The following XYLB variants were observed in gnomAD, a reference collection of about 807,000 sequenced individuals.
XYLB encodes the protein xylulokinase, also known as xylulose kinase.
A neutral mutation model predicts 78.7 loss-of-function variants in XYLB; 62 were observed. The observed-to-expected ratio is 0.79, with a 90% CI of 0.64 to 0.97. XYLB has a LOEUF of 0.97. Among genes scored for constraint, XYLB ranks in the 50% least tolerant of loss-of-function variants. The pLI is 0.00. For synonymous variants in XYLB, 245 were observed against 247.4 expected, an observed-to-expected ratio of 0.99 and a Z score of 0.09; for missense variants, 687 against 676.8, an observed-to-expected ratio of 1.02 and a Z score of -0.17.
At position 38,346,891 on chromosome 3, in the gene XYLB, G is replaced by T. The variant is rs901309360; in HGVS notation, c.23G>T (p.Arg8Leu). 4 of 1,519,024 alleles carry T rather than the reference G, an allele frequency of 2.6e-6. No individual in the cohort carries two copies. The highest frequency in any genetic ancestry group is 3.5e-6 in the Non-Finnish European group (4 of 1,136,164). The allele number at this position is 1,519,024 out of a possible 1,614,324, so 94.1% of individuals were successfully genotyped here. The change falls in exon 1 of 19, where the codon CGC becomes CTC. Residue 8 changes from arginine to leucine, a missense_variant. Transcript: ENST00000207870. MAEHAPR[R>L]CCLGWDFSTQ... ...GCCATGGCGGAGCACGCCCCTCGCC[G>T]CTGCTGCCTGGGCTGGGACTTCAGC...
At chr3:38,395,624 C>A in intron 16 of XYLB, 61 bp downstream of exon 16, 1 of 1,556,562 alleles carries the variant, frequency 6.4e-7, no homozygotes. Context: ...GTCTAAGAGC[C>A]AGAGACTGGA....
At chr3:38,430,747 G>A in the XYLB span, among the ~76,000 whole-genome samples, 3 of 152,220 alleles carry the variant, frequency 2.0e-5, no homozygotes, top group Admixed American at 6.5e-5. Context: ...TGTAAAGAAG[G>A]GATCCAGTTT....
At chr3:38,410,916 C>G (rs1255673518) in intron 18 of XYLB, among the ~76,000 whole-genome samples, 1 of 151,928 alleles carries the variant, frequency 6.6e-6, no homozygotes, top group Non-Finnish European at 1.5e-5. Flanking sequence ...AATAGGAACA[C>G]TTTTACACTG....
In XYLB at chr3:38,379,261, G is replaced by A; in HGVS notation, c.1210G>A (p.Gly404Arg). The change falls in exon 15 of 19, where the codon GGG (glycine) becomes AGG (arginine). Residue 404 changes from glycine to arginine, a missense_variant. Coordinates refer to ENST00000207870, the MANE Select transcript of XYLB (RefSeq NM_005108.4). ...TENHKVAAFP[G>R]DVEVRALIEG... ...CTGGAGACAGGTTGCAGCATTCCCT[G>A]GGGATGTGGAGGTTCGAGCACTAAT... 1 of 1,614,068 alleles carries A rather than the reference G, an allele frequency of 6.2e-7. No individual in the cohort carries two copies.
the XYLB span, among the ~76,000 whole-genome samples, chr3:38,439,946 A>T: frequency 6.6e-6 from 1 of 152,132 alleles, no homozygotes; most frequent in East Asian, 1.9e-4. Context: ...TTGGAGAGTC[A>T]CTGCTACCAA....
intron 3 of XYLB, 104 bp downstream of exon 3, chr3:38,360,512 G>A: frequency 1.9e-6 from 2 of 1,040,004 alleles, no homozygotes; most frequent in Non-Finnish European, 2.8e-6. Flanking sequence ...GAGAGCATCT[G>A]TTGTCACCAG....
intron 15 of XYLB, among the ~76,000 whole-genome samples, chr3:38,391,237 C>CAA (rs58456727): frequency 3.4e-5 from 5 of 149,192 alleles, no homozygotes; most frequent in African/African-American, 1.3e-4. Context: ...ACAACAACAA[C>CAA]AAAAAAAAAG....
intron 18 of XYLB, among the ~76,000 whole-genome samples, chr3:38,402,361 C>G (rs927103392): frequency 6.6e-6 from 1 of 152,106 alleles, no homozygotes. Context: ...TGGTCTGAAA[C>G]GAAAGCTGTC....
chr3:38,356,451 C>A (rs1238662456), intron 2 of XYLB: 1 of 152,190 alleles, frequency 6.6e-6, no homozygotes, highest in Non-Finnish European at 1.5e-5. Context: ...ACTGTATAGT[C>A]CCCCTCCTGC....
chr3:38,452,126 T>G, the XYLB span: 1 of 152,254 alleles, frequency 6.6e-6, no homozygotes, highest in Non-Finnish European at 1.5e-5. Context: ...TCCTGTGTTA[T>G]TACCAGATAC....
At chr3:38,405,286 C>T (rs559682059) in intron 18 of XYLB, among the ~76,000 whole-genome samples, 25 of 151,262 alleles carry the variant, frequency 1.7e-4, no homozygotes, top group Non-Finnish European at 3.2e-4. Context: ...CCTATAATCC[C>T]AGCACTTTGG....
chr3:38,412,766 G>A (rs984452782), intron 18 of XYLB, among the ~76,000 whole-genome samples, 170 bp from the exon 19 acceptor site: 3 of 152,148 alleles, frequency 2.0e-5, no homozygotes, highest in African/African-American at 7.2e-5. Context: ...TTAAACTGTA[G>A]GTTTGAGAAC....
downstream of XYLB, among the ~76,000 whole-genome samples, chr3:38,415,578 C>T (rs1261279570): frequency 6.6e-6 from 1 of 152,006 alleles, no homozygotes; most frequent in Admixed American, 6.6e-5. Flanking sequence ...AGGTCAGGAG[C>T]TCGAGACCAG....
At chr3:38,383,238 C>T (rs1007712131) in intron 15 of XYLB, among the ~76,000 whole-genome samples, 2 of 152,202 alleles carry the variant, frequency 1.3e-5, no homozygotes, top group African/African-American at 2.4e-5. Context: ...GGTTAAATAA[C>T]TTGGTCAGGG....
intron 6 of XYLB, among the ~76,000 whole-genome samples, chr3:38,366,296 C>G (rs147925623): frequency 6.6e-6 from 1 of 151,868 alleles, no homozygotes; most frequent in African/African-American, 2.4e-5. Flanking sequence ...GAAAATACCC[C>G]GATCCCTCAC....
At chr3:38,408,063 C>T (rs1476042406) in intron 18 of XYLB, among the ~76,000 whole-genome samples, 1 of 151,700 alleles carries the variant, frequency 6.6e-6, no homozygotes, top group Non-Finnish European at 1.5e-5. Context: ...CTCTCCACCC[C>T]AAATCAACAG....
At chr3:38,400,788 A>T (rs1708089943) in intron 17 of XYLB, 103 bp from the exon 18 acceptor site, 1 of 855,942 alleles carries the variant, frequency 1.2e-6, no homozygotes, top group East Asian at 2.4e-5. Flanking sequence ...ACTATAATCC[A>T]GTTTTAGAAC....
chr3:38,347,572 C>A (rs138352147), intron 1 of XYLB, among the ~76,000 whole-genome samples: 1 of 151,684 alleles, frequency 6.6e-6, no homozygotes, highest in Non-Finnish European at 1.5e-5. Flanking sequence ...CCCAGTTTTT[C>A]TGGAGGCTGA....
intron 18 of XYLB, among the ~76,000 whole-genome samples, chr3:38,407,556 A>G (rs1202268844): frequency 4.0e-5 from 6 of 151,654 alleles, no homozygotes; most frequent in Non-Finnish European, 1.5e-5. Flanking sequence ...ATGTAAATGG[A>G]CTAAATGCTC....
Sources: allele counts gnomAD v4.1 joint callset (sites outside exome capture counted in the v4.1 genomes callset), GRCh38; gene constraint gnomAD v4.1.1; transcripts MANE v1.5; gene names NCBI Gene and HGNC (gene_info 2026-07-23, HGNC 2026-07-21).